The following GPR158 variants were observed in gnomAD, a reference collection of about 807,000 sequenced individuals.
The protein encoded by GPR158 is metabotropic glycine receptor.
GPR158 carries 30 observed loss-of-function variants against 78.2 expected under a neutral mutation model. The ratio of observed to expected loss-of-function variants is 0.38; its 90% CI spans 0.29 to 0.52. The LOEUF is 0.52. GPR158 is among the 20% of genes least tolerant of loss of function. The pLI, the probability that GPR158 is intolerant of heterozygous loss-of-function variation, is 0.83. For synonymous variants in GPR158, 581 were observed against 591.1 expected (o/e 0.98, Z 0.25); for missense variants, 1,463 against 1,523.5 (o/e 0.96, Z 0.66).
At chr10:25,401,717 T>A (rs1834448275) in intron 3 of GPR158, among the ~76,000 whole-genome samples, 2 of 152,140 alleles carry the variant, frequency 1.3e-5, no homozygotes, top group African/African-American at 4.8e-5. Flanking sequence ...CAGGGAAATT[T>A]GACTATTAAT....
intron 1 of GPR158, among the ~76,000 whole-genome samples, chr10:25,191,178 C>G (rs931307024): frequency 6.6e-6 from 1 of 152,152 alleles, no homozygotes; most frequent in Admixed American, 6.5e-5. Flanking sequence ...TAGTAAACAT[C>G]TTGTGAAAAG....
intron 7 of GPR158, among the ~76,000 whole-genome samples, chr10:25,577,455 A>C (rs1230658550): frequency 1.3e-5 from 2 of 152,212 alleles, no homozygotes; most frequent in Non-Finnish European, 2.9e-5. Context: ...TGATGGTTAA[A>C]TATGTTAGTA....
At chr10:25,307,675 C>T (rs993918652) in intron 2 of GPR158, among the ~76,000 whole-genome samples, 21 of 152,108 alleles carry the variant, frequency 1.4e-4, no homozygotes, top group African/African-American at 3.9e-4. Context: ...ATACCTGTCC[C>T]ATTTGAATAT....
At chr10:25,429,157 C>T (rs1352588483) in intron 4 of GPR158, among the ~76,000 whole-genome samples, 2 of 152,012 alleles carry the variant, frequency 1.3e-5, no homozygotes, top group South Asian at 2.1e-4. Context: ...GCCTACTAGC[C>T]AATTCTCAGG....
At chr10:25,503,356 CA>C (rs5783938) in intron 5 of GPR158, among the ~76,000 whole-genome samples, 1 of 151,576 alleles carries the variant, frequency 6.6e-6, no homozygotes, top group Non-Finnish European at 1.5e-5. Context: ...CTATCTGGGA[CA>C]AAAAAATAAT....
chr10:25,460,447 G>C (rs111795711), intron 4 of GPR158, among the ~76,000 whole-genome samples: 1 of 151,990 alleles, frequency 6.6e-6, no homozygotes, highest in African/African-American at 2.4e-5. Context: ...CGCCCACCTC[G>C]GCCTCCCTAA....
At chr10:25,402,072 A>C (rs1834454585) in intron 3 of GPR158, among the ~76,000 whole-genome samples, 2 of 152,122 alleles carry the variant, frequency 1.3e-5, no homozygotes, top group South Asian at 4.1e-4. Context: ...CCAAGTAATT[A>C]ATCAAAGTAG....
intron 8 of GPR158, among the ~76,000 whole-genome samples, chr10:25,590,429 C>T (rs1837326411): frequency 6.6e-6 from 1 of 152,082 alleles, no homozygotes; most frequent in Non-Finnish European, 1.5e-5. Flanking sequence ...GCTTTTTCAG[C>T]TACTCAGACT....
At chr10:25,531,220 AT>A (rs777443229) in intron 5 of GPR158, among the ~76,000 whole-genome samples, 24 of 152,200 alleles carry the variant, frequency 1.6e-4, no homozygotes, top group Non-Finnish European at 2.9e-4. Context: ...AATGTTGACA[AT>A]TTAGGGTAAT....
intron 4 of GPR158, among the ~76,000 whole-genome samples, chr10:25,423,128 T>TACAC (rs1554802509): frequency 1.4e-5 from 2 of 140,662 alleles, no homozygotes; most frequent in Non-Finnish European, 3.1e-5. Flanking sequence ...TACATATATA[T>TACAC]GTATATACAT....
chr10:25,345,015 C>G (rs1855354536), intron 2 of GPR158, among the ~76,000 whole-genome samples: 2 of 151,942 alleles, frequency 1.3e-5, no homozygotes, highest in African/African-American at 4.8e-5. Context: ...ACTTAATCAC[C>G]TTCCAAAGAT....
At chr10:25,469,767 G>C (rs1835470528) in intron 5 of GPR158, among the ~76,000 whole-genome samples, 1 of 111,630 alleles carries the variant, frequency 9.0e-6, no homozygotes, top group South Asian at 3.2e-4. Flanking sequence ...CTGGGCAACA[G>C]AGCGAGACTC....
intron 5 of GPR158, among the ~76,000 whole-genome samples, chr10:25,531,690 C>T (rs746393133): frequency 7.9e-5 from 12 of 152,114 alleles, no homozygotes; most frequent in Admixed American, 1.3e-4. Context: ...ACCTCATGCT[C>T]GCTTTAGACA....
At chr10:25,288,596 G>A (rs182010597) in intron 2 of GPR158, among the ~76,000 whole-genome samples, 11 of 152,314 alleles carry the variant, frequency 7.2e-5, no homozygotes, top group East Asian at 5.8e-4. Flanking sequence ...GGAGAGGAAC[G>A]TAATTTTCAG....
At position 25,253,366 on chromosome 10, in the gene GPR158, G is replaced by T. The variant is rs113904293; in HGVS notation, c.1008+32209G>T. Among the ~76,000 whole-genome samples the T allele has an allele frequency of 3.3e-3, 503 of 151,958 alleles. 6 individuals carry two copies. The highest frequency in any genetic ancestry group is 0.012 in the African/African-American group (489 of 41,428). On this transcript the variant is annotated intron_variant, in intron 2 of 10. Transcript: ENST00000376351. ...CAATTTATTCTTTAGAATAATGGGG[G>T]AGGTGTCCCTCTGAGCTAATTACTT... is the stretch of plus-strand genomic sequence containing the variant.
intron 2 of GPR158, among the ~76,000 whole-genome samples, chr10:25,275,239 C>T (rs779609940): frequency 3.3e-5 from 5 of 152,118 alleles, no homozygotes; most frequent in African/African-American, 9.7e-5. Flanking sequence ...TCCAGGACTA[C>T]CTTTATCACA....
At chr10:25,276,103 A>G (rs1025264848) in intron 2 of GPR158, among the ~76,000 whole-genome samples, 1 of 152,184 alleles carries the variant, frequency 6.6e-6, no homozygotes, top group African/African-American at 2.4e-5. Context: ...TGCAAATTGT[A>G]GCTTTCAGAG....
intron 4 of GPR158, among the ~76,000 whole-genome samples, chr10:25,430,542 C>G (rs1293523235): frequency 1.3e-5 from 2 of 150,500 alleles, no homozygotes; most frequent in African/African-American, 4.9e-5. Flanking sequence ...AAAAAAGAGC[C>G]TGCATCGCCA....
chr10:25,419,240 G>A (rs992467668), intron 4 of GPR158, among the ~76,000 whole-genome samples: 4 of 152,016 alleles, frequency 2.6e-5, no homozygotes, highest in Non-Finnish European at 4.4e-5. Flanking sequence ...AAGTGGAATC[G>A]TATAATATTT....
Sources: gnomAD v4.1 joint callset for allele counts (sites outside exome capture counted in the v4.1 genomes callset) on GRCh38, gnomAD v4.1.1 for gene constraint, MANE v1.5 for transcripts, NCBI Gene and HGNC (gene_info 2026-07-23, HGNC 2026-07-21) for gene names.